The following ZNF565 variants were observed in gnomAD, a reference collection of about 807,000 sequenced individuals.
ZNF565 encodes the protein zinc finger protein 565.
In ZNF565, 27 loss-of-function variants were observed where a neutral mutation model predicts 39.4. That is an observed-to-expected ratio of 0.69 (90% confidence interval 0.51 to 0.95). The LOEUF is 0.95. ZNF565 is among the 40% of genes least tolerant of loss of function. ZNF565 has a pLI of 0.00. For missense variants in ZNF565, 524 were observed against 621.1 expected, an observed-to-expected ratio of 0.84 and a Z score of 1.66; for synonymous variants, 185 against 216.6, an observed-to-expected ratio of 0.85 and a Z score of 1.28.
chr19:36,183,874 C>T (rs897552158), intron 4 of ZNF565, 141 bp from the exon 5 acceptor site: 24 of 702,306 alleles, frequency 3.4e-5, no homozygotes, highest in East Asian at 5.4e-5. Context: ...ATCACAAGGT[C>T]GGGAGTTCAC....
Position 36,194,307 on chromosome 19 carries a change from T to A in ZNF565, c.158A>T (p.Asp53Val), listed in dbSNP as rs762542769. ...CCCTTGCTCCAATAAGGAGACGACA[T>A]CAGGCTTAGAAATGGAGAGTCCTGT... Reference protein sequence around the residue: ...ASLGLSISKPDVVSLLEQGKE... With the variant: ...ASLGLSISKPVVVSLLEQGKE... Residue 53 changes from aspartate to valine, a missense_variant, in exon 4 of 5, where the codon GAT becomes GTT. By Grantham distance (152) the Asp-to-Val change is radical. Coordinates refer to ENST00000304116, the MANE Select transcript of ZNF565 (RefSeq NM_152477.5). 5 of 1,611,958 alleles carry A rather than the reference T, an allele frequency of 3.1e-6. No individual in the cohort carries two copies. The South Asian group carries it at 5.5e-5, about 18-fold the overall frequency.
chr19:36,189,032 T>C (rs1423466431), intron 4 of ZNF565, among the ~76,000 whole-genome samples: 1 of 151,974 alleles, frequency 6.6e-6, no homozygotes, highest in Non-Finnish European at 1.5e-5. Flanking sequence ...GGAAGGAAAA[T>C]AGAGTTATTG....
intron 2 of ZNF565, among the ~76,000 whole-genome samples, chr19:36,198,465 T>C (rs1053799201): frequency 6.6e-6 from 1 of 152,060 alleles, no homozygotes; most frequent in African/African-American, 2.4e-5. Context: ...AGTAGAAGGA[T>C]GATTACTGAA....
intron 1 of ZNF565, among the ~76,000 whole-genome samples, chr19:36,227,710 GCGCCCAGC>G (rs1977134355): frequency 3.9e-5 from 6 of 152,212 alleles, no homozygotes; most frequent in South Asian, 4.1e-4. Context: ...GCACACCATT[GCGCCCAGC>G]TAATTTTGTA....
At chr19:36,215,310 G>C (rs1205695724), upstream of ZNF565, 1 of 152,368 alleles carries the variant, frequency 6.6e-6, no homozygotes, top group Non-Finnish European at 1.5e-5. Context: ...TCTGGCCTAC[G>C]TGCGGGGCGG....
chr19:36,239,937 TAAA>T (rs968069741), intron 1 of ZNF565, among the ~76,000 whole-genome samples: 1 of 152,314 alleles, frequency 6.6e-6, no homozygotes, highest in East Asian at 1.9e-4. Flanking sequence ...TTTGAAACCT[TAAA>T]AAACTCATTA....
intron 2 of ZNF565, among the ~76,000 whole-genome samples, chr19:36,196,216 C>G (rs1975756688): frequency 6.6e-6 from 1 of 152,150 alleles, no homozygotes; most frequent in South Asian, 2.1e-4. Context: ...AGGCGTGAGT[C>G]ACTGCACCCA....
At chr19:36,232,567 A>AT (rs1234818535) in intron 1 of ZNF565, among the ~76,000 whole-genome samples, 1 of 150,596 alleles carries the variant, frequency 6.6e-6, no homozygotes, top group Non-Finnish European at 1.5e-5. Flanking sequence ...TAATCTATGA[A>AT]TTTTTTGTGT....
At chr19:36,229,596 A>G (rs1265693999) in intron 1 of ZNF565, among the ~76,000 whole-genome samples, 3 of 152,224 alleles carry the variant, frequency 2.0e-5, no homozygotes, top group Admixed American at 6.5e-5. Flanking sequence ...TATTATATCT[A>G]TGCTGCAAAT....
chr19:36,187,376 TTC>T (rs1323587728), intron 4 of ZNF565, among the ~76,000 whole-genome samples: 18 of 151,784 alleles, frequency 1.2e-4, no homozygotes, highest in Non-Finnish European at 2.5e-4. Flanking sequence ...TCTTTTTTTT[TTC>T]TGAGACGGAG....
chr19:36,207,213 G>A (rs1173273913), intron 1 of ZNF565, among the ~76,000 whole-genome samples: 2 of 152,164 alleles, frequency 1.3e-5, no homozygotes. Flanking sequence ...AGGAAGGTAC[G>A]AAACTTTTAA....
rs1369780654 is a variant in ZNF565 at position 36,182,453 on chromosome 19, C to T, written c.*13G>A. ...CATAAAGGCTTATCTTTATCCCTTACACTCAAGGCTTTCTAACCAGTATGA... is the reference window on the plus strand; with the variant it reads ...CATAAAGGCTTATCTTTATCCCTTATACTCAAGGCTTTCTAACCAGTATGA... On this transcript the variant is annotated 3_prime_UTR_variant, in exon 5 of 5. Coordinates refer to ENST00000304116, the MANE Select transcript of ZNF565 (RefSeq NM_152477.5). The T allele has an allele frequency of 4.5e-6, 7 of 1,541,756 alleles. No homozygotes were observed. Among genetic ancestry groups the T allele is most frequent in the Non-Finnish European group, 6.1e-6 (7 of 1,146,190 alleles).
At chr19:36,238,671 AAAT>A (rs1222197981) in intron 1 of ZNF565, 2 of 167,090 alleles carry the variant, frequency 1.2e-5, no homozygotes, top group Admixed American at 6.5e-5. Flanking sequence ...ATTTTATAGA[AAAT>A]ATTTCTAAAA....
chr19:36,233,165 C>T (rs1977463594), intron 1 of ZNF565, among the ~76,000 whole-genome samples: 1 of 152,174 alleles, frequency 6.6e-6, no homozygotes, highest in South Asian at 2.1e-4. Flanking sequence ...GGCAGATCAC[C>T]AGATGTCAGG....
At chr19:36,239,746 C>CAG (rs1360272427) in intron 1 of ZNF565, among the ~76,000 whole-genome samples, 1 of 152,172 alleles carries the variant, frequency 6.6e-6, no homozygotes, top group African/African-American at 2.4e-5. Context: ...ACTGCTGTTA[C>CAG]AGAGAGAGAA....
At chr19:36,222,778 C>CTTTTTTTTTTTTTTTTTTT (rs55668684) in intron 1 of ZNF565, among the ~76,000 whole-genome samples, 2 of 100,886 alleles carry the variant, frequency 2.0e-5, no homozygotes, top group African/African-American at 3.7e-5. Flanking sequence ...TGAGTGGTGG[C>CTTTTTTTTTTTTTTTTTTT]TTTTTTTTTT....
At chr19:36,219,930 T>C (rs1355874659) in intron 1 of ZNF565, among the ~76,000 whole-genome samples, 1 of 152,240 alleles carries the variant, frequency 6.6e-6, no homozygotes, top group Non-Finnish European at 1.5e-5. Flanking sequence ...TGTATCTTTT[T>C]TTCCCCCTGG....
At chr19:36,244,797 G>A (rs2029880932) in intron 1 of ZNF565, among the ~76,000 whole-genome samples, 1 of 150,128 alleles carries the variant, frequency 6.7e-6, no homozygotes, top group Non-Finnish European at 1.5e-5. Flanking sequence ...GTTGCAGTGA[G>A]CCGAGATCGT....
At chr19:36,228,419 C>G (rs1302530709) in intron 1 of ZNF565, 2 of 152,248 alleles carry the variant, frequency 1.3e-5, no homozygotes, top group African/African-American at 4.8e-5. Context: ...ACAGCAATCA[C>G]TCACACAAGG....
Sources: gnomAD v4.1 joint callset for allele counts (sites outside exome capture counted in the v4.1 genomes callset) on GRCh38, gnomAD v4.1.1 for gene constraint, MANE v1.5 for transcripts, NCBI Gene and HGNC (gene_info 2026-07-23, HGNC 2026-07-21) for gene names.